The following ANKS1B variants were observed in gnomAD, a reference collection of about 807,000 sequenced individuals.
ANKS1B encodes the protein ankyrin repeat and sterile alpha motif domain containing 1B.
In ANKS1B, 36 loss-of-function variants were observed where a neutral mutation model predicts 148.3. The observed-to-expected ratio is 0.24, with a 90% CI of 0.19 to 0.32. ANKS1B has a LOEUF of 0.32. ANKS1B is among the 10% of genes least tolerant of loss of function. ANKS1B has a pLI of 1.00. For missense variants in ANKS1B, 1,157 were observed against 1,542.6 expected, an observed-to-expected ratio of 0.75 and a Z score of 4.19; for synonymous variants, 542 against 560.8, an observed-to-expected ratio of 0.97 and a Z score of 0.47.
chr12:98,970,027 C>G (rs1348743010), intron 17 of ANKS1B, among the ~76,000 whole-genome samples: 1 of 152,194 alleles, frequency 6.6e-6, no homozygotes, highest in Non-Finnish European at 1.5e-5. Flanking sequence ...ATTCCAGTCT[C>G]TGAAATTTTC....
At chr12:99,390,032 T>C (rs2094003765) in intron 12 of ANKS1B, among the ~76,000 whole-genome samples, 1 of 152,150 alleles carries the variant, frequency 6.6e-6, no homozygotes, top group Admixed American at 6.5e-5. Flanking sequence ...GGTGCCTGGC[T>C]GGACTCATAG....
At chr12:99,361,963 G>A (rs372463751) in intron 12 of ANKS1B, among the ~76,000 whole-genome samples, 1 of 151,416 alleles carries the variant, frequency 6.6e-6, no homozygotes, top group Non-Finnish European at 1.5e-5. Context: ...CCAAATGCCA[G>A]GAAGAAAGTG....
rs370462185 is a variant in ANKS1B at position 99,895,148 on chromosome 12, G to T, written c.135-69759C>A. On this transcript the variant is annotated intron_variant, in intron 1 of 26. Transcript: ENST00000683438. ...ATTAACATTTAAATCTGTGGATTTT[G>T]AGTAAAGCTGATTATTCTCCATAAT... Among the ~76,000 whole-genome samples, 4 of 150,986 alleles carry T rather than the reference G, an allele frequency of 2.6e-5. No individual in the cohort carries two copies. In the South Asian group the frequency reaches 8.4e-4, roughly 32 times the overall value.
chr12:99,396,621 T>C (rs1435144806), intron 12 of ANKS1B, among the ~76,000 whole-genome samples: 1 of 152,222 alleles, frequency 6.6e-6, no homozygotes, highest in Non-Finnish European at 1.5e-5. Flanking sequence ...TTTTGGATGA[T>C]GCCACTGAAC....
At chr12:99,881,301 C>A (rs892067269) in intron 1 of ANKS1B, among the ~76,000 whole-genome samples, 10 of 152,116 alleles carry the variant, frequency 6.6e-5, no homozygotes, top group Non-Finnish European at 1.3e-4. Context: ...TCTTTCATGC[C>A]TCAGTCTCCA....
chr12:99,519,043 CTT>C (rs1380389851), intron 9 of ANKS1B, among the ~76,000 whole-genome samples: 1 of 152,026 alleles, frequency 6.6e-6, no homozygotes, highest in Non-Finnish European at 1.5e-5. Context: ...CAAAATTCCT[CTT>C]GTTATTGATT....
At chr12:99,137,910 C>T (rs2068706732) in intron 15 of ANKS1B, among the ~76,000 whole-genome samples, 1 of 152,030 alleles carries the variant, frequency 6.6e-6, no homozygotes, top group Non-Finnish European at 1.5e-5. Context: ...TAATTCCAAT[C>T]AGTTACAGTG....
chr12:99,921,854 T>C (rs11836535), intron 1 of ANKS1B, among the ~76,000 whole-genome samples: 28,842 of 152,040 alleles, frequency 0.19, 2,969 homozygotes, highest in Non-Finnish European at 0.24. Context: ...TATAAAAATA[T>C]GAAAAATATA....
intron 12 of ANKS1B, among the ~76,000 whole-genome samples, chr12:99,369,861 T>C (rs942584624): frequency 4.0e-5 from 6 of 150,998 alleles, no homozygotes; most frequent in East Asian, 3.9e-4. Flanking sequence ...GATAGATAGA[T>C]AGATAGATAG....
At chr12:99,789,112 T>A (rs1040603724) in intron 4 of ANKS1B, among the ~76,000 whole-genome samples, 1 of 152,078 alleles carries the variant, frequency 6.6e-6, no homozygotes, top group Non-Finnish European at 1.5e-5. Context: ...AGTGGTGGTT[T>A]CCGAAGGGGT....
chr12:99,164,027 T>C (rs1403431443), intron 14 of ANKS1B, among the ~76,000 whole-genome samples: 3 of 152,212 alleles, frequency 2.0e-5, no homozygotes, highest in Non-Finnish European at 4.4e-5. Flanking sequence ...ATTTCCCTCA[T>C]GGCTTACTAT....
At chr12:98,786,392 T>C (rs1229743299) in intron 22 of ANKS1B, among the ~76,000 whole-genome samples, 1 of 152,216 alleles carries the variant, frequency 6.6e-6, no homozygotes, top group Non-Finnish European at 1.5e-5. Flanking sequence ...CCTGAAATAT[T>C]GTTCTTAGTA....
chr12:99,838,305 G>A (rs528077768), intron 1 of ANKS1B, among the ~76,000 whole-genome samples: 2 of 152,218 alleles, frequency 1.3e-5, no homozygotes, highest in East Asian at 1.9e-4. Flanking sequence ...GGGATTCCTG[G>A]ATTAAATGGT....
At position 98,953,992 on chromosome 12, in the gene ANKS1B, G is replaced by A. The variant is rs116925520; in HGVS notation, c.2778+99165C>T. ...CCATATTCTGAAGTTCTTGGCCCTT[G>A]TTGTCTACATCTTTGCTGCTCAAAG... is the stretch of plus-strand genomic sequence containing the variant. On this transcript the variant is annotated intron_variant, in intron 17 of 26. Coordinates refer to ENST00000683438, the MANE Select transcript of ANKS1B (RefSeq NM_001352186.2). 4.3e-3 allele frequency among the ~76,000 whole-genome samples: 647 copies of A among 152,212 alleles called. 1 individual carries two copies. The highest frequency in any genetic ancestry group is 6.7e-3 in the Non-Finnish European group (454 of 68,008).
At chr12:99,384,683 T>G (rs903340143) in intron 12 of ANKS1B, among the ~76,000 whole-genome samples, 1 of 145,048 alleles carries the variant, frequency 6.9e-6, no homozygotes, top group African/African-American at 2.5e-5. Flanking sequence ...CCATGTTCCA[T>G]CAATATCTAT....
At chr12:98,941,480 T>C (rs930068432) in intron 17 of ANKS1B, among the ~76,000 whole-genome samples, 1 of 152,264 alleles carries the variant, frequency 6.6e-6, no homozygotes, top group African/African-American at 2.4e-5. Context: ...TGGGCATGTA[T>C]GCATCAGCCA....
At chr12:99,637,791 C>CTATATATATAT (rs1555522652) in intron 9 of ANKS1B, among the ~76,000 whole-genome samples, 2 of 130,910 alleles carry the variant, frequency 1.5e-5, no homozygotes, top group South Asian at 2.4e-4. Context: ...ACTCCCCTTT[C>CTATATATATAT]TATATATATA....
chr12:98,939,940 A>G (rs1000971483), intron 17 of ANKS1B, among the ~76,000 whole-genome samples: 1 of 152,212 alleles, frequency 6.6e-6, no homozygotes, highest in Non-Finnish European at 1.5e-5. Context: ...TGTCCTCTGA[A>G]TTTGGTCTTT....
intron 1 of ANKS1B, among the ~76,000 whole-genome samples, chr12:99,890,820 C>T (rs753005538): frequency 5.3e-5 from 8 of 151,868 alleles, no homozygotes; most frequent in Non-Finnish European, 1.2e-4. Context: ...CCTTTAGTGG[C>T]TGTGGAGAGC....
Sources: gnomAD v4.1 joint callset for allele counts (sites outside exome capture counted in the v4.1 genomes callset) on GRCh38, gnomAD v4.1.1 for gene constraint, MANE v1.5 for transcripts, NCBI Gene and HGNC (gene_info 2026-07-23, HGNC 2026-07-21) for gene names.